The following TRAPPC9 variants were observed in gnomAD, a reference collection of about 807,000 sequenced individuals.
TRAPPC9 encodes trafficking protein particle complex subunit 9, also known as IKK2 binding protein.
In TRAPPC9, 83 loss-of-function variants were observed where a neutral mutation model predicts 124.0. The ratio of observed to expected loss-of-function variants is 0.67; its 90% CI spans 0.56 to 0.80. The LOEUF (loss-of-function observed/expected upper bound fraction) is 0.80. Among genes scored for constraint, TRAPPC9 ranks in the 30% least tolerant of loss-of-function variants. The pLI is 0.00. For synonymous variants in TRAPPC9, 638 were observed against 617.5 expected, an observed-to-expected ratio of 1.03 and a Z score of -0.49; for missense variants, 1,302 against 1,508.3, an observed-to-expected ratio of 0.86 and a Z score of 2.27.
At chr8:139,946,298 T>C (rs1021880226) in intron 19 of TRAPPC9, among the ~76,000 whole-genome samples, 6 of 152,248 alleles carry the variant, frequency 3.9e-5, no homozygotes, top group Admixed American at 3.9e-4. Flanking sequence ...TTCATCTTTC[T>C]GAGTCTCACT....
chr8:139,894,295 G>T (rs944585092), intron 20 of TRAPPC9, among the ~76,000 whole-genome samples: 1 of 152,208 alleles, frequency 6.6e-6, no homozygotes, highest in Non-Finnish European at 1.5e-5. Context: ...CCCTCCTTGC[G>T]GGGAGGCCCA....
chr8:139,807,720 T>C (rs532031520), intron 21 of TRAPPC9, among the ~76,000 whole-genome samples: 3 of 152,318 alleles, frequency 2.0e-5, no homozygotes, highest in Admixed American at 2.0e-4. Flanking sequence ...AGAAATTCTT[T>C]CTTTGACTAT....
intron 17 of TRAPPC9, among the ~76,000 whole-genome samples, chr8:140,108,722 C>T (rs969851640): frequency 3.9e-5 from 6 of 152,166 alleles, no homozygotes; most frequent in South Asian, 2.1e-4. Flanking sequence ...TAGAAGCACA[C>T]GTGGTATGCA....
intron 16 of TRAPPC9, among the ~76,000 whole-genome samples, chr8:140,221,985 T>C (rs1440050270): frequency 1.3e-5 from 2 of 152,200 alleles, no homozygotes; most frequent in Non-Finnish European, 2.9e-5. Context: ...CATAAGCACA[T>C]ATTCACATCT....
At chr8:140,210,432 G>A (rs1157285045) in intron 17 of TRAPPC9, among the ~76,000 whole-genome samples, 1 of 152,180 alleles carries the variant, frequency 6.6e-6, no homozygotes, top group African/African-American at 2.4e-5. Context: ...TGCTGCTGCT[G>A]GAGGGAAGTG....
intron 8 of TRAPPC9, among the ~76,000 whole-genome samples, chr8:140,363,061 C>G (rs1472669388): frequency 6.6e-6 from 1 of 152,200 alleles, no homozygotes; most frequent in African/African-American, 2.4e-5. Flanking sequence ...CTCTTGTAAT[C>G]AAAAATTTCA....
At chr8:139,949,116 A>C (rs1220590651) in intron 19 of TRAPPC9, among the ~76,000 whole-genome samples, 3 of 152,146 alleles carry the variant, frequency 2.0e-5, no homozygotes, top group Non-Finnish European at 2.9e-5. Flanking sequence ...TAATTAAAAC[A>C]GAAATTTCTG....
chr8:139,930,538 CT>C (rs373095671), intron 19 of TRAPPC9, among the ~76,000 whole-genome samples: 335 of 152,332 alleles, frequency 2.2e-3, no homozygotes, highest in Non-Finnish European at 3.6e-3. Flanking sequence ...TCACACCCCT[CT>C]TTTTTCCATC....
intron 15 of TRAPPC9, among the ~76,000 whole-genome samples, chr8:140,254,755 C>T (rs183935136): frequency 2.6e-4 from 40 of 152,316 alleles, no homozygotes; most frequent in Middle Eastern, 6.8e-3. Context: ...AATAAGGAGA[C>T]GGTTTTAGAG....
At chr8:140,376,873 CAAAA>C (rs36002702) in intron 7 of TRAPPC9, among the ~76,000 whole-genome samples, 2 of 112,846 alleles carry the variant, frequency 1.8e-5, no homozygotes, top group Non-Finnish European at 1.9e-5. Context: ...GGCTCCATCT[CAAAA>C]AAAAAAAAAA....
intron 21 of TRAPPC9, among the ~76,000 whole-genome samples, chr8:139,803,265 A>T (rs1823686549): frequency 6.6e-6 from 1 of 152,230 alleles, no homozygotes; most frequent in African/African-American, 2.4e-5. Flanking sequence ...ACAGGCTCTC[A>T]TCAGGCTCAC....
At chr8:140,296,768 G>T (rs1164280473) in intron 11 of TRAPPC9, among the ~76,000 whole-genome samples, 3 of 152,206 alleles carry the variant, frequency 2.0e-5, no homozygotes, top group African/African-American at 7.2e-5. Flanking sequence ...CCTGAGAAGA[G>T]GAGTCTCACA....
Position 140,083,697 on chromosome 8 carries a change from C to T in TRAPPC9, c.2557-59618G>A, listed in dbSNP as rs543005171. On this transcript the variant is annotated intron_variant, in intron 17 of 22. Coordinates refer to ENST00000438773, the MANE Select transcript of TRAPPC9 (RefSeq NM_001160372.4). ...GTTTTTGTTTTTTGAGATGGAGTCTCGCTCTGTCACCCAGGCTGGAGTGCA... is the reference window on the plus strand; with the variant it reads ...GTTTTTGTTTTTTGAGATGGAGTCTTGCTCTGTCACCCAGGCTGGAGTGCA... 1.4e-4 allele frequency among the ~76,000 whole-genome samples: 21 copies of T among 152,168 alleles called. No homozygotes were observed. In the East Asian group the frequency reaches 3.5e-3, roughly 25 times the overall value.
At chr8:139,767,468 G>A (rs898076329) in intron 21 of TRAPPC9, among the ~76,000 whole-genome samples, 1 of 152,238 alleles carries the variant, frequency 6.6e-6, no homozygotes, top group Non-Finnish European at 1.5e-5. Flanking sequence ...CTCCGTCCCA[G>A]ACAAAGTGGG....
intron 19 of TRAPPC9, among the ~76,000 whole-genome samples, chr8:139,920,065 C>T (rs1419949356): frequency 1.3e-5 from 2 of 152,208 alleles, no homozygotes; most frequent in Non-Finnish European, 2.9e-5. Flanking sequence ...TTCTTTACCA[C>T]TGGGGCGCGG....
At chr8:140,056,745 G>A (rs974425581) in intron 17 of TRAPPC9, among the ~76,000 whole-genome samples, 3 of 152,108 alleles carry the variant, frequency 2.0e-5, no homozygotes, top group Admixed American at 6.5e-5. Context: ...TTCATGACTT[G>A]GTCTCTGCAA....
intron 18 of TRAPPC9, among the ~76,000 whole-genome samples, chr8:140,023,252 C>A (rs1374153099): frequency 6.6e-6 from 1 of 152,178 alleles, no homozygotes; most frequent in African/African-American, 2.4e-5. Context: ...CATTCACCTC[C>A]AGCTTCTAGA....
At position 139,848,514 on chromosome 8, in the gene TRAPPC9, G is replaced by GAT. The variant is rs368726098; in HGVS notation, c.3055+37363_3055+37364dup. Reference sequence around the variant, plus strand: ...AGATATGGAATAAACATATATGTGAGATATATATATATATACACACACACA... The same window carrying GAT: ...AGATATGGAATAAACATATATGTGAGATATATATATATATATACACACACACA... On this transcript the variant is annotated intron_variant, in intron 21 of 22. Transcript: ENST00000438773. Among the ~76,000 whole-genome samples, 594 of 150,736 alleles carry GAT rather than the reference G, an allele frequency of 3.9e-3. 1 individual carries two copies. Among genetic ancestry groups the GAT allele is most frequent in the South Asian group, 0.02 (95 of 4,776 alleles).
At chr8:140,281,412 G>A (rs1302131671) in intron 14 of TRAPPC9, among the ~76,000 whole-genome samples, 1 of 152,170 alleles carries the variant, frequency 6.6e-6, no homozygotes, top group Non-Finnish European at 1.5e-5. Context: ...ATATCTTGTG[G>A]TGAAATAGGT....
Sources: gnomAD v4.1 joint callset for allele counts (sites outside exome capture counted in the v4.1 genomes callset) on GRCh38, gnomAD v4.1.1 for gene constraint, MANE v1.5 for transcripts, NCBI Gene and HGNC (gene_info 2026-07-23, HGNC 2026-07-21) for gene names.